APOL6: variants seen among roughly 807,000 people sequenced by gnomAD.
APOL6 encodes apolipoprotein L, 6.
APOL6 carries 1 observed loss-of-function variant against 2.4 expected under a neutral mutation model. That is an observed-to-expected ratio of 0.41 (90% CI 0.15 to 1.94). APOL6 has a LOEUF of 1.94. Ranked by LOEUF, APOL6 falls within the 30% of genes most tolerant of loss-of-function variation. The pLI is 0.30. For synonymous variants in APOL6, 189 were observed against 169.3 expected (o/e 1.12, Z -0.90); for missense variants, 438 against 429.2 (o/e 1.02, Z -0.18).
chr22:35,656,391 C>T lies in APOL6; in HGVS notation c.-35C>T. The T allele has an allele frequency of 6.2e-7, 1 of 1,613,474 alleles. No individual in the cohort carries two copies. Among genetic ancestry groups the T allele is most frequent in the Non-Finnish European group, 8.5e-7 (1 of 1,179,406 alleles). ...CATTCCTGACCAGAAAATCATTTGACTCCTGGGGACACAGATTTGCTGCCA... is the reference window on the plus strand; with the variant it reads ...CATTCCTGACCAGAAAATCATTTGATTCCTGGGGACACAGATTTGCTGCCA... On this transcript the variant is annotated 5_prime_UTR_variant, in exon 2 of 3. Coordinates refer to ENST00000409652, the MANE Select transcript of APOL6 (RefSeq NM_030641.4).
Position 35,665,985 on chromosome 22 carries a change from A to G in APOL6, c.*6389A>G, listed in dbSNP as rs182393366. 8 of 152,336 alleles carry G rather than the reference A, an allele frequency of 5.3e-5. No homozygotes were observed. In the East Asian group the frequency reaches 1.5e-3, roughly 29 times the overall value. 9.4% of individuals were successfully genotyped at this position (152,336 alleles called of 1,614,324 possible). A position where few individuals can be genotyped will look rare whatever the true frequency, so the allele number is the denominator to read the frequency against. On this transcript the variant is annotated 3_prime_UTR_variant, in exon 3 of 3. Coordinates refer to ENST00000409652, the MANE Select transcript of APOL6 (RefSeq NM_030641.4). ...AATGACATAATTTGGCTTATTTGGTATAAAAATTATATAGGAAGCATTGTC... is the reference window on the plus strand; with the variant it reads ...AATGACATAATTTGGCTTATTTGGTGTAAAAATTATATAGGAAGCATTGTC...
rs1471008617 is a variant in APOL6 at position 35,668,181 on chromosome 22, A to G, written c.*8585A>G. 6.6e-6 allele frequency: 1 copy of G among 152,226 alleles called. No individual in the cohort carries two copies. Among genetic ancestry groups the G allele is most frequent in the Non-Finnish European group, 1.5e-5 (1 of 68,044 alleles). 9.4% of individuals were successfully genotyped at this position (152,226 alleles called of 1,614,324 possible). On this transcript the variant is annotated 3_prime_UTR_variant, in exon 3 of 3. Transcript: ENST00000409652. ...ACCAATTGCCAATCAGAAAATTGTT[A>G]TATCTACCTATAATCTAGAAGCCCC...
intron 1 of APOL6, among the ~76,000 whole-genome samples, chr22:35,650,877 C>A (rs113066013): frequency 0.026 from 3,937 of 151,690 alleles, 83 homozygotes; most frequent in African/African-American, 0.048. Flanking sequence ...TTGCAGTGAG[C>A]CAAGATCATG....
At chr22:35,649,226 A>G (rs368736179) in intron 1 of APOL6, among the ~76,000 whole-genome samples, 19 of 152,264 alleles carry the variant, frequency 1.2e-4, no homozygotes, top group African/African-American at 4.1e-4. Flanking sequence ...GCTTGAGCCC[A>G]AGAGTTTGAG....
Position 35,659,092 on chromosome 22 carries a change from C to T in APOL6, c.528C>T (p.Asn176=), listed in dbSNP as rs1299320980. 2 of 1,614,090 alleles carry T rather than the reference C, an allele frequency of 1.2e-6. No individual in the cohort carries two copies. Among genetic ancestry groups the T allele is most frequent in the African/African-American group, 2.7e-5 (2 of 75,056 alleles). The change falls in exon 3 of 3, where the codon AAC becomes AAT. Residue 176 remains asparagine, a synonymous_variant. Coordinates refer to ENST00000409652, the MANE Select transcript of APOL6 (RefSeq NM_030641.4). Reference sequence around the variant, plus strand: ...GAAAGATTATCTATAATCTTAGAAACACCTTGAAGTATGCCAAGAAAAACG... The same window carrying T: ...GAAAGATTATCTATAATCTTAGAAATACCTTGAAGTATGCCAAGAAAAACG... ...AAGKIIYNLR[N]TLKYAKKNVR...
At position 35,658,573 on chromosome 22, in the gene APOL6, T is replaced by C. The variant is rs368808681; in HGVS notation, c.51-42T>C. ...TCCAAGAGCCACATGGGTTTTCCCA[T>C]CTGGGAAGCTGAAGCAAAATCTTTA... On this transcript the variant is annotated intron_variant, in intron 2 of 2. Transcript: ENST00000409652. 99 of 1,528,230 alleles carry C rather than the reference T, an allele frequency of 6.5e-5. No homozygotes were observed. In the African/African-American group the frequency reaches 1.0e-3, roughly 16 times the overall value. 94.7% of individuals were successfully genotyped at this position (1,528,230 alleles called of 1,614,324 possible). A position where few individuals can be genotyped will look rare whatever the true frequency, so the allele number is the denominator to read the frequency against.
chr22:35,649,769 G>A (rs546114178), intron 1 of APOL6, among the ~76,000 whole-genome samples: 3 of 151,894 alleles, frequency 2.0e-5, no homozygotes, highest in East Asian at 1.9e-4. Context: ...ATTGGCGGAC[G>A]CTGGTAAAAA....
rs748723037 is a variant in APOL6, at chr22:35,656,447, G to C, written c.22G>C (p.Glu8Gln). Residue 8 changes from glutamate to glutamine, a missense_variant, in exon 2 of 3, where the codon GAA becomes CAA. Physicochemically the swap from Glu to Gln is conservative, Grantham distance 29 (BLOSUM62 2). Transcript: ENST00000409652. ...GCTGATGGACAACCAGGCGGAGAGA[G>C]AAAGTGAGGCTGGTGTTGGTTTGCA... MDNQAER[E>Q]SEAGVGLQRD... 24 of 1,614,012 alleles carry C rather than the reference G, an allele frequency of 1.5e-5. No homozygotes were observed. Among genetic ancestry groups the C allele is most frequent in the Non-Finnish European group, 1.9e-5 (22 of 1,179,992 alleles).
chr22:35,659,521 G>T lies in APOL6; in HGVS notation c.957G>T (p.Glu319Asp). Reference protein sequence around the residue: ...GTCETEAYWKELREHVWMWLW... With the variant: ...GTCETEAYWKDLREHVWMWLW... ...GCGAAACCGAGGCTTACTGGAAGGA[G>T]TTAAGGGAGCATGTGTGGATGTGGC... The change falls in exon 3 of 3, where the codon GAG becomes GAT. Residue 319 changes from glutamate to aspartate, a missense_variant. Coordinates refer to ENST00000409652, the MANE Select transcript of APOL6 (RefSeq NM_030641.4). The T allele has an allele frequency of 6.2e-7, 1 of 1,614,158 alleles. No individual in the cohort carries two copies.
intron 1 of APOL6, among the ~76,000 whole-genome samples, chr22:35,650,040 C>A (rs922343741): frequency 1.3e-5 from 2 of 152,200 alleles, no homozygotes; most frequent in African/African-American, 4.8e-5. Context: ...ATTGCACAGG[C>A]TTTCCTGCTT....
At chr22:35,653,886 G>A (rs1924770340) in intron 1 of APOL6, among the ~76,000 whole-genome samples, 1 of 151,922 alleles carries the variant, frequency 6.6e-6, no homozygotes, top group African/African-American at 2.4e-5. Context: ...GACACCAGTT[G>A]TAAGTGGTGG....
rs1258231134 is a variant in APOL6, at chr22:35,663,201, TA to T, written c.*3611del. 1 of 152,204 alleles carries T rather than the reference TA, an allele frequency of 6.6e-6. No individual in the cohort carries two copies. Among genetic ancestry groups the T allele is most frequent in the Non-Finnish European group, 1.5e-5 (1 of 68,034 alleles). The allele number at this position is 152,204 out of a possible 1,614,324, so 9.4% of individuals were successfully genotyped here. On this transcript the variant is annotated 3_prime_UTR_variant, in exon 3 of 3. Transcript: ENST00000409652. ...TGAAGTGGTAGGAAAACAGCCAGCT[TA>T]AAAAACTTTTTTTAAATTTTAATTA...
At position 35,659,593 on chromosome 22, in the gene APOL6, A is replaced by G. The variant is rs772058342; in HGVS notation, c.1029A>G (p.Thr343=). The G allele has an allele frequency of 3.1e-6, 5 of 1,600,180 alleles. No homozygotes were observed. The South Asian group carries it at 5.6e-5, about 18-fold the overall frequency. The part of the protein sequence containing the change: ...CLCVCVYVQF[T] ...GTGTCTGTGTGTATGTACAGTTTAC[A>G]TGAATGTTCCTCAGGACATGGCATA... Residue 343 remains threonine (T), a synonymous_variant, in exon 3 of 3, where the codon ACA becomes ACG. Transcript: ENST00000409652.
intron 1 of APOL6, among the ~76,000 whole-genome samples, chr22:35,650,945 A>T (rs5755827): frequency 0.49 from 74,343 of 151,068 alleles, 18,654 homozygotes; most frequent in Non-Finnish European, 0.53. Flanking sequence ...AAAAAAAAAA[A>T]TTTTTTTAAA....
Position 35,659,753 on chromosome 22 carries a change from CTGTTTGTTTGTTTGTT to C in APOL6, c.*175_*190del, listed in dbSNP as rs200355715. 7 of 1,177,608 alleles carry C rather than the reference CTGTTTGTTTGTTTGTT, an allele frequency of 5.9e-6. No homozygotes were observed. The highest frequency in any genetic ancestry group is 2.7e-5 in the Admixed American group (1 of 36,658). The allele number at this position is 1,177,608 out of a possible 1,614,324, so 72.9% of individuals were successfully genotyped here. A position where few individuals can be genotyped will look rare whatever the true frequency, so the allele number is the denominator to read the frequency against. The stretch of plus-strand genomic sequence containing the variant: ...CTATGTGCTGGGAAAAGGGTCTTCC[CTGTTTGTTTGTTTGTT>C]TGTTTGTTTGTTTGTTTTGAGACAG... On this transcript the variant is annotated 3_prime_UTR_variant, in exon 3 of 3. Transcript: ENST00000409652.
At chr22:35,658,223 C>T (rs1396151285) in intron 2 of APOL6, among the ~76,000 whole-genome samples, 1 of 152,090 alleles carries the variant, frequency 6.6e-6, no homozygotes, top group Non-Finnish European at 1.5e-5. Context: ...CTACTTTTCC[C>T]AGAACTCTCC....
At position 35,658,802 on chromosome 22, in the gene APOL6, G is replaced by T. The variant is rs1212740082; in HGVS notation, c.238G>T (p.Val80Leu). Reference sequence around the variant, plus strand: ...CAAGAAATTCACCAAGGCTAACATGGTGGCCACCTCTACTGCTGTCATCTC... The same window carrying T: ...CAAGAAATTCACCAAGGCTAACATGTTGGCCACCTCTACTGCTGTCATCTC... The part of the protein sequence containing the change: ...THKKFTKANM[V>L]ATSTAVISGV... Residue 80 changes from valine to leucine, a missense_variant, in exon 3 of 3, where the codon GTG becomes TTG. Physicochemically the swap from Val to Leu is conservative, Grantham distance 32. Transcript: ENST00000409652. The T allele has an allele frequency of 1.2e-6, 2 of 1,614,170 alleles. No homozygotes were observed. Among genetic ancestry groups the T allele is most frequent in the Non-Finnish European group, 1.7e-6 (2 of 1,180,024 alleles).
chr22:35,659,753 C>CTGTTTGTTTGTTTGTT lies in APOL6; in HGVS notation c.*175_*190dup, dbSNP rs200355715. The CTGTTTGTTTGTTTGTT allele has an allele frequency of 1.6e-4, 189 of 1,177,694 alleles. No individual in the cohort carries two copies. The East Asian group carries it at 4.6e-3, about 29-fold the overall frequency. 73.0% of individuals were successfully genotyped at this position (1,177,694 alleles called of 1,614,324 possible). A position where few individuals can be genotyped will look rare whatever the true frequency, so the allele number is the denominator to read the frequency against. On this transcript the variant is annotated 3_prime_UTR_variant, in exon 3 of 3. Coordinates refer to ENST00000409652, the MANE Select transcript of APOL6 (RefSeq NM_030641.4). ...CTATGTGCTGGGAAAAGGGTCTTCCCTGTTTGTTTGTTTGTTTGTTTGTTT... is the reference window on the plus strand; with the variant it reads ...CTATGTGCTGGGAAAAGGGTCTTCCCTGTTTGTTTGTTTGTTTGTTTGTTTGTTTGTTTGTTTGTTT...
In APOL6 at chr22:35,656,440, G is replaced by A. The variant is rs751559917; in HGVS notation, c.15G>A (p.Ala5=). 3.0e-5 allele frequency: 48 copies of A among 1,613,966 alleles called. No homozygotes were observed. Among genetic ancestry groups the A allele is most frequent in the East Asian group, 2.5e-4 (11 of 44,884 alleles). MDNQ[A]ERESEAGVGL... ...CACAGAGGCTGATGGACAACCAGGCGGAGAGAGAAAGTGAGGCTGGTGTTG... is the reference window on the plus strand; with the variant it reads ...CACAGAGGCTGATGGACAACCAGGCAGAGAGAGAAAGTGAGGCTGGTGTTG... Residue 5 remains alanine, a synonymous_variant, in exon 2 of 3, where the codon GCG becomes GCA. Transcript: ENST00000409652.
Sources: gnomAD v4.1 joint callset for allele counts (sites outside exome capture counted in the v4.1 genomes callset) on GRCh38, gnomAD v4.1.1 for gene constraint, MANE v1.5 for transcripts, NCBI Gene and HGNC (gene_info 2026-07-23, HGNC 2026-07-21) for gene names.